Variants in TGFA observed in about 807,000 individuals in gnomAD.
TGFA encodes the protein transforming growth factor alpha.
Under a neutral mutation model 21.7 loss-of-function variants are expected in TGFA, and 12 were observed. The ratio of observed to expected loss-of-function variants is 0.55; its 90% confidence interval spans 0.35 to 0.90. The LOEUF is 0.90. Among genes scored for constraint, TGFA ranks in the 40% least tolerant of loss-of-function variants. The pLI is 0.01. For missense variants in TGFA, 178 were observed against 210.8 expected (o/e 0.84, Z 0.96); for synonymous variants, 79 against 88.1 (o/e 0.90, Z 0.58).
intron 2 of TGFA, among the ~76,000 whole-genome samples, chr2:70,511,890 TACACACACAC>T (rs36084203): frequency 0.026 from 3,664 of 143,034 alleles, 152 homozygotes; most frequent in African/African-American, 0.089. Context: ...TAGTCATGAA[TACACACACAC>T]ACACACACAC....
chr2:70,532,098 T>C (rs1044056902), intron 1 of TGFA, among the ~76,000 whole-genome samples: 2 of 152,190 alleles, frequency 1.3e-5, no homozygotes, highest in Non-Finnish European at 2.9e-5. Flanking sequence ...TCTACCTCCT[T>C]AAAGCAAATG....
At chr2:70,527,607 T>G (rs1239660644) in intron 1 of TGFA, among the ~76,000 whole-genome samples, 1 of 152,238 alleles carries the variant, frequency 6.6e-6, no homozygotes, top group Non-Finnish European at 1.5e-5. Context: ...TTAGTTTATA[T>G]CTAACTTTAG....
chr2:70,543,017 C>T (rs1338452095), intron 1 of TGFA, among the ~76,000 whole-genome samples: 3 of 151,626 alleles, frequency 2.0e-5, no homozygotes, highest in South Asian at 2.1e-4. Flanking sequence ...GCAGGAGAAT[C>T]GCTTGAACCC....
chr2:70,454,594 C>T (rs1289274639), intron 4 of TGFA, among the ~76,000 whole-genome samples: 4 of 152,194 alleles, frequency 2.6e-5, no homozygotes, highest in South Asian at 2.1e-4. Flanking sequence ...GGAGCATCCC[C>T]GGGCAATGGG....
chr2:70,486,468 T>TTTG (rs1422848807), intron 2 of TGFA, among the ~76,000 whole-genome samples: 1 of 151,770 alleles, frequency 6.6e-6, no homozygotes, highest in Non-Finnish European at 1.5e-5. Flanking sequence ...TTTTTGTTTG[T>TTTG]TTGTTGTTGT....
intron 2 of TGFA, among the ~76,000 whole-genome samples, chr2:70,500,261 A>T (rs1353040216): frequency 1.3e-5 from 2 of 152,204 alleles, no homozygotes; most frequent in Admixed American, 6.5e-5. Context: ...CCTGGGCATC[A>T]GGAACTCTTT....
intron 2 of TGFA, among the ~76,000 whole-genome samples, chr2:70,508,863 C>T (rs1331086138): frequency 6.6e-6 from 1 of 152,176 alleles, no homozygotes; most frequent in Non-Finnish European, 1.5e-5. Flanking sequence ...GGTGTTGCAG[C>T]CAGTGAGTCA....
intron 2 of TGFA, among the ~76,000 whole-genome samples, chr2:70,469,622 C>G (rs2103711997): frequency 1.3e-5 from 2 of 152,296 alleles, no homozygotes; most frequent in East Asian, 3.9e-4. Context: ...TAGGTGCGAG[C>G]CGCCACGTCT....
At chr2:70,553,165 C>T in intron 1 of TGFA, 1 of 1,535,778 alleles carries the variant, frequency 6.5e-7, no homozygotes, top group East Asian at 2.4e-5. Context: ...ATTAATCCGC[C>T]CAAAAATCCA....
Position 70,553,696 on chromosome 2 carries a change from G to A in TGFA, c.40+32C>T, listed in dbSNP as rs1673588312. On this transcript the variant is annotated intron_variant, in intron 1 of 5. Coordinates refer to ENST00000295400, the MANE Select transcript of TGFA (RefSeq NM_003236.4). ...GACCGGGGGAAGCAGGGTGTCGCGC[G>A]GCGCAGGGGGCGCCGCAGCCGGCGT... 3 of 1,328,820 alleles carry A rather than the reference G, an allele frequency of 2.3e-6. No individual in the cohort carries two copies. The East Asian group carries it at 9.1e-5, about 40-fold the overall frequency. The allele number at this position is 1,328,820 out of a possible 1,614,324, so 82.3% of individuals were successfully genotyped here.
intron 2 of TGFA, among the ~76,000 whole-genome samples, chr2:70,512,510 G>A (rs1367477542): frequency 6.6e-6 from 1 of 152,142 alleles, no homozygotes; most frequent in East Asian, 1.9e-4. Flanking sequence ...ACGCAGCAGG[G>A]GTTCAACTGC....
At chr2:70,465,516 T>C (rs540992319) in intron 3 of TGFA, 100 bp downstream of exon 3, 106 of 1,453,410 alleles carry the variant, frequency 7.3e-5, no homozygotes, top group Non-Finnish European at 9.9e-5. Flanking sequence ...GCTCCAGGGG[T>C]CTCGGAGCCT....
intron 2 of TGFA, among the ~76,000 whole-genome samples, chr2:70,487,080 C>T (rs1671292831): frequency 6.6e-6 from 1 of 152,198 alleles, no homozygotes; most frequent in Admixed American, 6.5e-5. Context: ...TGTTTTTAAT[C>T]ACTTTTGAAA....
At chr2:70,484,548 T>C (rs868931084) in intron 2 of TGFA, among the ~76,000 whole-genome samples, 33 of 152,212 alleles carry the variant, frequency 2.2e-4, no homozygotes, top group African/African-American at 7.0e-4. Flanking sequence ...TTTTAGGGAA[T>C]TACCTCTTCC....
In TGFA at chr2:70,450,739, T is replaced by C. The variant is rs1670028330; in HGVS notation, c.*120A>G. 2 of 1,191,334 alleles carry C rather than the reference T, an allele frequency of 1.7e-6. No homozygotes were observed. Among genetic ancestry groups the C allele is most frequent in the East Asian group, 2.5e-5 (1 of 39,272 alleles). The allele number at this position is 1,191,334 out of a possible 1,614,324, so 73.8% of individuals were successfully genotyped here. On this transcript the variant is annotated 3_prime_UTR_variant, in exon 6 of 6. Transcript: ENST00000295400. ...GGCCCACAAAAGGCTGCACAGGTGA[T>C]TACAGGCCAAGTAGGAAGGTCTGTG...
chr2:70,486,772 G>GT (rs1166354300), intron 2 of TGFA, among the ~76,000 whole-genome samples: 49 of 150,596 alleles, frequency 3.3e-4, no homozygotes, highest in Non-Finnish European at 5.2e-4. Flanking sequence ...ATTTCTTGGT[G>GT]TTTTTTTTTA....
chr2:70,467,994 A>G (rs530850165), intron 2 of TGFA, among the ~76,000 whole-genome samples: 122 of 152,276 alleles, frequency 8.0e-4, no homozygotes, highest in African/African-American at 2.9e-3. Flanking sequence ...CAGCTACAAG[A>G]CAGCGGGTCC....
At chr2:70,507,810 A>C (rs528490420) in intron 2 of TGFA, among the ~76,000 whole-genome samples, 130 of 152,286 alleles carry the variant, frequency 8.5e-4, no homozygotes, top group Middle Eastern at 3.4e-3. Context: ...CTCCACTTAA[A>C]CCAAGGCCCT....
rs577996279 is a variant in TGFA at position 70,486,157 on chromosome 2, C to T, written c.95-20421G>A. 2.0e-5 allele frequency among the ~76,000 whole-genome samples: 3 copies of T among 152,310 alleles called. No individual in the cohort carries two copies. The East Asian group carries it at 5.8e-4, about 29-fold the overall frequency. On this transcript the variant is annotated intron_variant, in intron 2 of 5. Transcript: ENST00000295400. ...CTACCCACTTGTGACACTCTTCTTG[C>T]AGATGGAGGTCTATATTTTGCCTCC... is the stretch of plus-strand genomic sequence containing the variant.
Sources: gnomAD v4.1 joint callset for allele counts (sites outside exome capture counted in the v4.1 genomes callset) on GRCh38, gnomAD v4.1.1 for gene constraint, MANE v1.5 for transcripts, NCBI Gene and HGNC (gene_info 2026-07-23, HGNC 2026-07-21) for gene names.